TM6SF1: variants seen among roughly 807,000 people sequenced by gnomAD.
The protein encoded by TM6SF1 is transmembrane 6 superfamily member 1.
In TM6SF1, 43 loss-of-function variants were observed where a neutral mutation model predicts 47.1. The observed-to-expected ratio is 0.91, with a 90% CI of 0.72 to 1.18. The LOEUF (loss-of-function observed/expected upper bound fraction) is 1.18, where lower values mean the gene tolerates loss of function less well. Ranked by LOEUF, TM6SF1 falls within the 50% of genes most tolerant of loss-of-function variation. TM6SF1 has a pLI of 0.00. For missense variants in TM6SF1, 390 were observed against 449.0 expected, an observed-to-expected ratio of 0.87 and a Z score of 1.19; for synonymous variants, 177 against 166.3, an observed-to-expected ratio of 1.06 and a Z score of -0.49.
intron 3 of TM6SF1, among the ~76,000 whole-genome samples, chr15:83,118,266 T>TA (rs1555447908): frequency 2.1e-5 from 3 of 141,362 alleles, no homozygotes; most frequent in Non-Finnish European, 4.7e-5. Flanking sequence ...CACACACACA[T>TA]ACAGAGAGAG....
chr15:83,111,566 T>C (rs1172778793), intron 1 of TM6SF1: 1 of 966,618 alleles, frequency 1.0e-6, no homozygotes, highest in African/African-American at 1.8e-5. Context: ...CTTATCTTTC[T>C]CTCTCCTAGG....
chr15:83,122,968 G>A, intron 6 of TM6SF1, 90 bp downstream of exon 6: 1 of 1,466,290 alleles, frequency 6.8e-7, no homozygotes, highest in Non-Finnish European at 9.3e-7. Context: ...ATGCCTCTGT[G>A]GACTGGAGCA....
At chr15:83,126,619 G>C in intron 7 of TM6SF1, 136 bp from the exon 8 acceptor site, 1 of 637,370 alleles carries the variant, frequency 1.6e-6, no homozygotes, top group East Asian at 2.8e-5. Context: ...TTCCATCATT[G>C]ATGAGCCTCT....
chr15:83,111,789 A>G (rs2034208959), intron 1 of TM6SF1: 1 of 581,380 alleles, frequency 1.7e-6, no homozygotes, highest in Non-Finnish European at 2.2e-6. Flanking sequence ...CTGCAGGAGA[A>G]CTCCTAGTGG....
At chr15:83,122,958 A>G in intron 6 of TM6SF1, 80 bp downstream of exon 6, 1 of 1,535,530 alleles carries the variant, frequency 6.5e-7, no homozygotes, top group South Asian at 1.2e-5. Flanking sequence ...GAATTGAACC[A>G]TGCCTCTGTG....
rs770417835 is a variant in TM6SF1, at chr15:83,127,401, C to T, written c.845C>T (p.Ala282Val). The T allele has an allele frequency of 3.7e-6, 6 of 1,613,772 alleles. No homozygotes were observed. The highest frequency in any genetic ancestry group is 1.3e-5 in the African/African-American group (1 of 74,888). ...TATTCTGTTCCTTACTTTGTGACTGCACTGTATGGCTTAGTGGTTCCTGGA... is the reference window on the plus strand; with the variant it reads ...TATTCTGTTCCTTACTTTGTGACTGTACTGTATGGCTTAGTGGTTCCTGGA... Reference protein sequence around the residue: ...MFYSVPYFVTALYGLVVPGCS... With the variant: ...MFYSVPYFVTVLYGLVVPGCS... The change falls in exon 9 of 10, where the codon GCA becomes GTA. Residue 282 changes from alanine to valine, a missense_variant. Transcript: ENST00000322019.
At chr15:83,126,901 A>C (rs1441754846) in intron 8 of TM6SF1, 54 bp downstream of exon 8, 10 of 1,462,314 alleles carry the variant, frequency 6.8e-6, no homozygotes, top group Non-Finnish European at 9.5e-6. Context: ...CTTTTTAAAA[A>C]ATGGGTCCCA....
intron 4 of TM6SF1, chr15:83,120,094 A>T (rs535189500): frequency 5.5e-6 from 1 of 182,300 alleles, no homozygotes; most frequent in Non-Finnish European, 1.2e-5. Context: ...GCTTGGCTAC[A>T]TGGCTTGTCC....
intron 2 of TM6SF1, chr15:83,113,237 TC>T (rs1046232891): frequency 2.1e-5 from 8 of 384,932 alleles, no homozygotes; most frequent in South Asian, 2.7e-5. Context: ...CTACTAGCAG[TC>T]CCCCCCACTT....
At position 83,136,667 on chromosome 15, in the gene TM6SF1, G is replaced by A. The variant is rs776689428; in HGVS notation, c.1108G>A (p.Glu370Lys). The A allele has an allele frequency of 1.4e-5, 22 of 1,591,202 alleles. No individual in the cohort carries two copies. Among genetic ancestry groups the A allele is most frequent in the Non-Finnish European group, 6.0e-6 (7 of 1,173,808 alleles). The change falls in exon 10 of 10, where the codon GAA becomes AAA. Residue 370 changes from glutamate (E) to lysine (K), a missense_variant. Physicochemically the swap from Glu to Lys is moderately conservative, Grantham distance 56 (BLOSUM62 1). Coordinates refer to ENST00000322019, the MANE Select transcript of TM6SF1 (RefSeq NM_023003.5). Reference protein sequence around the residue: ...FIKTKAEEKVE With the variant: ...FIKTKAEEKVK ...AAAAACAAAGGCAGAAGAAAAAGTG[G>A]AATAAAAATATTACTTCATGTTCCT...
chr15:83,123,815 G>A (rs2035483107), intron 6 of TM6SF1, among the ~76,000 whole-genome samples: 1 of 152,210 alleles, frequency 6.6e-6, no homozygotes. Flanking sequence ...ATGCCATGAG[G>A]CATGCAGAAT....
intron 2 of TM6SF1, 78 bp from the exon 3 acceptor site, chr15:83,115,767 T>C (rs1278196705): frequency 1.1e-6 from 1 of 939,472 alleles, no homozygotes; most frequent in Admixed American, 1.8e-5. Flanking sequence ...AACATTCCAT[T>C]ATTATTAGCT....
chr15:83,114,203 T>C (rs956124676), intron 2 of TM6SF1: 2 of 152,898 alleles, frequency 1.3e-5, no homozygotes, highest in Admixed American at 1.3e-4. Flanking sequence ...TTAACTGTAC[T>C]GATGTCTCTC....
chr15:83,107,746 C>T lies in TM6SF1; in HGVS notation c.66C>T (p.Val22=). The change falls in exon 1 of 10, where the codon GTC becomes GTT. Residue 22 remains valine, a synonymous_variant. Coordinates refer to ENST00000322019, the MANE Select transcript of TM6SF1 (RefSeq NM_023003.5). The surrounding 1 kb of genome is among the most constrained non-coding windows in gnomAD (Gnocchi z 5.6). The part of the protein sequence containing the change: ...LSLSAIPVTY[V]FNHLAAQHDS... ...TCTCGGCCATCCCGGTCACCTATGT[C>T]TTCAACCACCTGGCGGCCCAGCATG... 2 of 1,583,992 alleles carry T rather than the reference C, an allele frequency of 1.3e-6. No homozygotes were observed. The highest frequency in any genetic ancestry group is 1.7e-6 in the Non-Finnish European group (2 of 1,166,642).
intron 9 of TM6SF1, chr15:83,128,821 CACT>C (rs950674101): frequency 1.3e-5 from 2 of 152,118 alleles, no homozygotes; most frequent in African/African-American, 2.4e-5. Context: ...TCTAGACCAC[CACT>C]AAGTCCTTTT....
chr15:83,110,423 G>C (rs2034041715), intron 1 of TM6SF1, among the ~76,000 whole-genome samples: 1 of 152,172 alleles, frequency 6.6e-6, no homozygotes, highest in Non-Finnish European at 1.5e-5. Context: ...TCTGGGGACA[G>C]TGCCAAGAGT....
chr15:83,112,849 C>G lies in TM6SF1; in HGVS notation c.145C>G (p.Leu49Val), dbSNP rs778069710. The G allele has an allele frequency of 6.2e-7, 1 of 1,614,162 alleles. No homozygotes were observed. Among genetic ancestry groups the G allele is most frequent in the South Asian group, 1.1e-5 (1 of 91,088 alleles). ...CCTCATCCTGTTCCTGGTAGCACTGCTGGCTCGTGTCCTCGTCAAAAGAAA... is the reference window on the plus strand; with the variant it reads ...CCTCATCCTGTTCCTGGTAGCACTGGTGGCTCGTGTCCTCGTCAAAAGAAA... ...AALILFLVAL[L>V]ARVLVKRKPP... Residue 49 changes from leucine to valine, a missense_variant, in exon 2 of 10, where the codon CTG becomes GTG. Leu to Val is a conservative substitution (Grantham distance 32). Coordinates refer to ENST00000322019, the MANE Select transcript of TM6SF1 (RefSeq NM_023003.5).
chr15:83,118,190 C>T (rs938242314), intron 3 of TM6SF1, among the ~76,000 whole-genome samples: 7 of 151,984 alleles, frequency 4.6e-5, no homozygotes, highest in African/African-American at 1.7e-4. Flanking sequence ...CACCACTGCA[C>T]TCTAGACCGG....
chr15:83,117,679 G>A (rs1433973339), intron 3 of TM6SF1, among the ~76,000 whole-genome samples: 1 of 152,130 alleles, frequency 6.6e-6, no homozygotes, highest in Admixed American at 6.5e-5. Context: ...AACTGTGGTG[G>A]CAAGGTCTGC....
Sources: allele counts gnomAD v4.1 joint callset (sites outside exome capture counted in the v4.1 genomes callset), GRCh38; gene constraint gnomAD v4.1.1; non-coding constraint Gnocchi (gnomAD v3.1); transcripts MANE v1.5; gene names NCBI Gene and HGNC (gene_info 2026-07-23, HGNC 2026-07-21).